The following ZNF644 variants were observed in gnomAD, a reference collection of about 807,000 sequenced individuals.
ZNF644 encodes zinc finger protein 644, also known as zinc finger motif enhancer binding protein 2.
In ZNF644, 20 loss-of-function variants were observed where a neutral mutation model predicts 108.0. The ratio of observed to expected loss-of-function variants is 0.19; its 90% CI spans 0.13 to 0.27. The LOEUF is 0.27. Among genes scored for constraint, ZNF644 ranks in the 10% least tolerant of loss-of-function variants. The pLI, the probability that ZNF644 is intolerant of heterozygous loss-of-function variation, is 1.00. For synonymous variants in ZNF644, 542 were observed against 539.1 expected, an observed-to-expected ratio of 1.01 and a Z score of -0.08; for missense variants, 1,338 against 1,548.9, an observed-to-expected ratio of 0.86 and a Z score of 2.29.
At chr1:90,946,797 T>TA (rs976785012) in intron 2 of ZNF644, among the ~76,000 whole-genome samples, 5 of 151,496 alleles carry the variant, frequency 3.3e-5, no homozygotes, top group Non-Finnish European at 5.9e-5. Flanking sequence ...AGATTGCCAT[T>TA]AAAAAAAAGC....
chr1:91,021,324 G>C (rs899301242), intron 1 of ZNF644: 1 of 152,596 alleles, frequency 6.6e-6, no homozygotes, highest in African/African-American at 2.4e-5. Context: ...TGCAGGACGG[G>C]GGGAGGGGAG....
chr1:90,923,534 T>A (rs1484539876), intron 4 of ZNF644, among the ~76,000 whole-genome samples: 2 of 152,160 alleles, frequency 1.3e-5, no homozygotes, highest in African/African-American at 4.8e-5. Context: ...GCATGAAGTA[T>A]AAAGATACAC....
rs1557567188 is a variant in ZNF644, at chr1:90,938,838, A to G, written c.2516T>C (p.Val839Ala). ...YPDFLHKMTV[V>A]VLQKLNSAEK... ...AGCAGAATTAAGTTTTTGCAAAACG[A>G]CAACAGTCATTTTATGCAAAAAATC... Residue 839 changes from valine (V) to alanine (A), a missense_variant, in exon 3 of 6, where the codon GTC (valine) becomes GCC (alanine). Val to Ala is a moderately conservative substitution (Grantham distance 64). Transcript: ENST00000337393. The surrounding 1 kb of genome is among the most constrained non-coding windows in gnomAD (Gnocchi z 4.2). 4 of 1,613,896 alleles carry G rather than the reference A, an allele frequency of 2.5e-6. No individual in the cohort carries two copies. The highest frequency in any genetic ancestry group is 3.4e-6 in the Non-Finnish European group (4 of 1,179,942).
chr1:90,940,851 T>C lies in ZNF644; in HGVS notation c.503A>G (p.Lys168Arg), dbSNP rs1319038153. The change falls in exon 3 of 6, where the codon AAA (lysine) becomes AGA (arginine). Residue 168 changes from lysine (K) to arginine (R), a missense_variant. Lys to Arg is a conservative substitution (Grantham distance 26). Coordinates refer to ENST00000337393, the MANE Select transcript of ZNF644 (RefSeq NM_201269.3). The part of the protein sequence containing the change: ...AADLQLSTPQ[K>R]ASQHQVLFLL... Reference sequence around the variant, plus strand: ...AAATAAAACTTGGTGTTGACTTGCTTTCTGTGGTGTAGACAGCTGAAGATC... The same window carrying C: ...AAATAAAACTTGGTGTTGACTTGCTCTCTGTGGTGTAGACAGCTGAAGATC... 1 of 1,614,044 alleles carries C rather than the reference T, an allele frequency of 6.2e-7. No homozygotes were observed. Among genetic ancestry groups the C allele is most frequent in the East Asian group, 2.2e-5 (1 of 44,882 alleles).
chr1:91,006,886 A>C (rs1454564622), intron 1 of ZNF644, among the ~76,000 whole-genome samples: 1 of 151,986 alleles, frequency 6.6e-6, no homozygotes, highest in Non-Finnish European at 1.5e-5. Context: ...ATATTCTAAC[A>C]ACCTCATGTT....
At chr1:91,003,144 C>T (rs1659053716) in intron 1 of ZNF644, among the ~76,000 whole-genome samples, 1 of 152,122 alleles carries the variant, frequency 6.6e-6, no homozygotes, top group East Asian at 1.9e-4. Context: ...GGATCTAGAA[C>T]TAGAAATACC....
intron 5 of ZNF644, 62 bp downstream of exon 5, chr1:90,917,990 G>T: frequency 1.5e-6 from 2 of 1,337,744 alleles, no homozygotes; most frequent in Non-Finnish European, 2.2e-6. Context: ...AAATGAAATA[G>T]CTAATATGTT....
intron 1 of ZNF644, chr1:91,021,321 C>CG (rs1660884209): frequency 6.6e-6 from 1 of 152,314 alleles, no homozygotes; most frequent in Non-Finnish European, 1.5e-5. Flanking sequence ...TCTTGCAGGA[C>CG]GGGGGGAGGG....
At chr1:90,999,279 G>C (rs1019171649) in intron 1 of ZNF644, among the ~76,000 whole-genome samples, 1 of 152,162 alleles carries the variant, frequency 6.6e-6, no homozygotes, top group Non-Finnish European at 1.5e-5. Flanking sequence ...AAAATGTTAA[G>C]GGCAGCCAGA....
intron 1 of ZNF644, among the ~76,000 whole-genome samples, chr1:91,016,830 A>T (rs79385958): frequency 0.013 from 1,935 of 152,126 alleles, 39 homozygotes; most frequent in African/African-American, 0.044. Flanking sequence ...CTAGAGTTTG[A>T]ACAAAGTCTT....
intron 4 of ZNF644, 122 bp downstream of exon 4, chr1:90,937,360 TAAA>T: frequency 2.6e-6 from 3 of 1,132,696 alleles, no homozygotes; most frequent in Non-Finnish European, 2.5e-6. Flanking sequence ...CTGTGCTCTG[TAAA>T]AAAAAAAAGC....
At chr1:90,979,108 AAC>A (rs1356293725) in intron 2 of ZNF644, among the ~76,000 whole-genome samples, 1 of 152,142 alleles carries the variant, frequency 6.6e-6, no homozygotes, top group African/African-American at 2.4e-5. Context: ...CCAAATTTCA[AAC>A]ACAGAAAAAA....
At chr1:90,965,124 A>C (rs1442722849) in intron 2 of ZNF644, among the ~76,000 whole-genome samples, 1 of 152,200 alleles carries the variant, frequency 6.6e-6, no homozygotes. Flanking sequence ...TAACAGAAAA[A>C]GCTATACTGG....
intron 1 of ZNF644, among the ~76,000 whole-genome samples, chr1:90,992,482 A>G (rs544441957): frequency 6.6e-6 from 1 of 152,210 alleles, no homozygotes; most frequent in South Asian, 2.1e-4. Flanking sequence ...TTCAGTCTAT[A>G]AACAATGCTT....
chr1:91,004,224 TAC>T (rs1040654928), intron 1 of ZNF644, among the ~76,000 whole-genome samples: 5 of 147,104 alleles, frequency 3.4e-5, no homozygotes, highest in African/African-American at 1.0e-4. Context: ...CTCAAGGAAC[TAC>T]ACAGAGGATA....
chr1:90,963,974 A>T (rs1654588036), intron 2 of ZNF644, among the ~76,000 whole-genome samples: 1 of 152,150 alleles, frequency 6.6e-6, no homozygotes, highest in African/African-American at 2.4e-5. Flanking sequence ...TATATATGTG[A>T]CCCTAGAAAA....
chr1:90,925,471 T>C (rs890192467), intron 4 of ZNF644, among the ~76,000 whole-genome samples: 1 of 152,184 alleles, frequency 6.6e-6, no homozygotes, highest in East Asian at 1.9e-4. Flanking sequence ...AGCTTTGGGC[T>C]TGAATAAACT....
At chr1:90,975,579 A>C (rs796497843) in intron 2 of ZNF644, among the ~76,000 whole-genome samples, 13 of 152,082 alleles carry the variant, frequency 8.5e-5, no homozygotes, top group African/African-American at 3.1e-4. Flanking sequence ...CTGGGATTAC[A>C]GGTGCCTGCC....
chr1:90,955,239 G>A (rs573147459), intron 2 of ZNF644, among the ~76,000 whole-genome samples: 1 of 152,296 alleles, frequency 6.6e-6, no homozygotes, highest in East Asian at 1.9e-4. Flanking sequence ...CATTTATAGA[G>A]CACAGGTAGA....
Sources: gnomAD v4.1 joint callset for allele counts (sites outside exome capture counted in the v4.1 genomes callset) on GRCh38, gnomAD v4.1.1 for gene constraint, Gnocchi (gnomAD v3.1) non-coding constraint, MANE v1.5 for transcripts, NCBI Gene and HGNC (gene_info 2026-07-23, HGNC 2026-07-21) for gene names.